Variants in CIMAP1B observed in about 807,000 individuals in gnomAD.
CIMAP1B encodes the protein ciliary microtubule associated protein 1B.
the CIMAP1B span, chr22:50,531,475 C>G: frequency 1.7e-6 from 2 of 1,154,400 alleles, no homozygotes; most frequent in African/African-American, 1.6e-5. Flanking sequence ...GTTAGGGTAT[C>G]CGAGGGGGAC....
chr22:50,532,037 C>A, the CIMAP1B span: 1 of 1,344,578 alleles, frequency 7.4e-7, no homozygotes, highest in Non-Finnish European at 9.6e-7. Flanking sequence ...GCCGCGGGGC[C>A]GGTGTGGCCG....
At chr22:50,531,264 C>G in the CIMAP1B span, 1 of 1,610,116 alleles carries the variant, frequency 6.2e-7, no homozygotes, top group Non-Finnish European at 8.5e-7. Context: ...TGGGGTACGT[C>G]GCGTTCCCCG....
chr22:50,531,063 G>A, the CIMAP1B span: 1 of 1,607,970 alleles, frequency 6.2e-7, no homozygotes, highest in East Asian at 2.2e-5. Context: ...CGGGACCTGG[G>A]GAGGAGGCAG....
the CIMAP1B span, chr22:50,531,097 C>T: frequency 1.4e-5 from 22 of 1,592,904 alleles, no homozygotes; most frequent in Admixed American, 1.2e-4. Flanking sequence ...TGGGTCTCCG[C>T]GGACAGGCGC....
At chr22:50,530,441 T>G in the CIMAP1B span, 1 of 1,555,344 alleles carries the variant, frequency 6.4e-7, no homozygotes, top group Non-Finnish European at 8.7e-7. Context: ...ACTCGCAGAC[T>G]TTAAGCAAAC....
At chr22:50,531,383 T>A in the CIMAP1B span, 1 of 1,188,626 alleles carries the variant, frequency 8.4e-7, no homozygotes, top group African/African-American at 1.5e-5. Context: ...TAGTGGGGAG[T>A]CTGAGCCACG....
chr22:50,531,819 C>G, the CIMAP1B span: 1 of 1,343,256 alleles, frequency 7.4e-7, no homozygotes, highest in African/African-American at 1.5e-5. Flanking sequence ...GCCCCAAGCC[C>G]CATCTGCAAC....
the CIMAP1B span, chr22:50,531,849 A>C: frequency 4.5e-6 from 6 of 1,327,102 alleles, no homozygotes; most frequent in South Asian, 1.3e-4. Flanking sequence ...CCCCCGGCAC[A>C]GACCCCCTCT....
the CIMAP1B span, chr22:50,530,663 C>T: frequency 1.4e-5 from 22 of 1,598,594 alleles, no homozygotes; most frequent in Non-Finnish European, 1.9e-5. Context: ...CGACCTCAGG[C>T]CCTCCCCACT....
chr22:50,530,688 C>A, the CIMAP1B span: 1 of 1,609,862 alleles, frequency 6.2e-7, no homozygotes, highest in Non-Finnish European at 8.5e-7. Flanking sequence ...TGACTCTGAC[C>A]CTTGACCCTG....
chr22:50,532,388 G>C, the CIMAP1B span: 1 of 295,712 alleles, frequency 3.4e-6, no homozygotes. Flanking sequence ...CCTGGGGGTG[G>C]GGTGGGGGCA....
chr22:50,532,441 C>T, the CIMAP1B span: 1 of 202,458 alleles, frequency 4.9e-6, no homozygotes, highest in Non-Finnish European at 9.9e-6. Flanking sequence ...CGGGAAGGGC[C>T]TGCGTGGGGG....
chr22:50,531,410 TGGGGTTC>T, the CIMAP1B span: 2 of 1,081,174 alleles, frequency 1.8e-6, no homozygotes, highest in Non-Finnish European at 2.7e-6. Context: ...CAAAGCCCCG[TGGGGTTC>T]GGGGTTTGGG....
At chr22:50,532,094 G>C in the CIMAP1B span, 1 of 1,360,500 alleles carries the variant, frequency 7.4e-7, no homozygotes, top group Non-Finnish European at 9.5e-7. Context: ...GGTGGGGGGC[G>C]CTTACGGCTC....
chr22:50,531,489 G>T, the CIMAP1B span: 1 of 1,255,278 alleles, frequency 8.0e-7, no homozygotes. Context: ...GGGGGACTCG[G>T]GGTTCAGGTC....
At chr22:50,532,302 C>G in the CIMAP1B span, 1 of 518,544 alleles carries the variant, frequency 1.9e-6, no homozygotes. Context: ...GGCCATCACC[C>G]GGACTCCAGG....
At chr22:50,530,675 T>C in the CIMAP1B span, 11 of 1,606,594 alleles carry the variant, frequency 6.8e-6, 1 homozygote, top group African/African-American at 1.2e-4. Flanking sequence ...CTCCCCACTC[T>C]CCTGACTCTG....
chr22:50,530,454 G>GT, the CIMAP1B span: 2 of 1,573,058 alleles, frequency 1.3e-6, no homozygotes. Context: ...AAGCAAACAC[G>GT]TGTGGGGCCG....
chr22:50,531,935 C>A, the CIMAP1B span: 1 of 1,314,958 alleles, frequency 7.6e-7, no homozygotes, highest in African/African-American at 1.5e-5. Context: ...CAGGCGCCGT[C>A]CCACCCCTCA....
Sources: allele counts gnomAD v4.1 joint callset, GRCh38; gene constraint gnomAD v4.1.1; transcripts MANE v1.5; gene names NCBI Gene and HGNC (gene_info 2026-07-23, HGNC 2026-07-21).